Variants in SLC35D1 observed in about 807,000 individuals in gnomAD.
SLC35D1 encodes the protein solute carrier family 35 member D1.
In SLC35D1, 31 loss-of-function variants were observed where a neutral mutation model predicts 46.7. That is an observed-to-expected ratio of 0.66 (90% CI 0.50 to 0.90). The LOEUF (loss-of-function observed/expected upper bound fraction) is 0.90. Among genes scored for constraint, SLC35D1 ranks in the 40% least tolerant of loss-of-function variants. The pLI is 0.00. For missense variants in SLC35D1, 397 were observed against 426.2 expected (o/e 0.93, Z 0.60); for synonymous variants, 195 against 164.6 (o/e 1.18, Z -1.41).
the SLC35D1 span, among the ~76,000 whole-genome samples, chr1:66,983,196 A>T: frequency 1.3e-5 from 2 of 152,144 alleles, no homozygotes; most frequent in African/African-American, 4.8e-5. Context: ...CCAATGTTAT[A>T]TTACTTTTTT....
intron 8 of SLC35D1, among the ~76,000 whole-genome samples, chr1:67,039,995 ATTTTT>A (rs11300562): frequency 3.6e-5 from 5 of 140,166 alleles, no homozygotes; most frequent in African/African-American, 1.3e-4. Context: ...TTACATCACA[ATTTTT>A]TTTTTTTTTT....
chr1:67,042,423 A>AAC, intron 7 of SLC35D1, 95 bp from the exon 8 acceptor site: 2 of 981,990 alleles, frequency 2.0e-6, no homozygotes, highest in Non-Finnish European at 3.3e-6. Flanking sequence ...TAAATACACA[A>AAC]ACACACACAC....
chr1:67,009,829 C>A (rs879915401), intron 10 of SLC35D1, among the ~76,000 whole-genome samples: 3 of 152,198 alleles, frequency 2.0e-5, no homozygotes, highest in Non-Finnish European at 2.9e-5. Flanking sequence ...AATCCCACTA[C>A]TGGGTTATAT....
At chr1:67,040,756 C>T (rs938999860) in intron 8 of SLC35D1, among the ~76,000 whole-genome samples, 4 of 152,222 alleles carry the variant, frequency 2.6e-5, no homozygotes, top group Middle Eastern at 3.2e-3. Flanking sequence ...CTCCAAAGGG[C>T]CATACAAATT....
intron 8 of SLC35D1, among the ~76,000 whole-genome samples, chr1:67,036,667 T>C (rs117341505): frequency 6.6e-6 from 1 of 152,048 alleles, no homozygotes; most frequent in East Asian, 1.9e-4. Context: ...ATGTGAATCT[T>C]TACAAGTGAA....
At chr1:66,989,903 T>TA in the SLC35D1 span, among the ~76,000 whole-genome samples, 1 of 152,244 alleles carries the variant, frequency 6.6e-6, no homozygotes, top group Non-Finnish European at 1.5e-5. Context: ...AGATTTAGGT[T>TA]AAGAGCTTGT....
At chr1:66,973,736 C>G in the SLC35D1 span, among the ~76,000 whole-genome samples, 17 of 151,972 alleles carry the variant, frequency 1.1e-4, no homozygotes, top group African/African-American at 4.1e-4. Context: ...TTAGGACAGG[C>G]AGAATTAAAG....
At chr1:67,049,758 G>A (rs1645287790) in intron 6 of SLC35D1, 24 bp downstream of exon 6, 3 of 1,593,706 alleles carry the variant, frequency 1.9e-6, no homozygotes, top group Non-Finnish European at 2.6e-6. Context: ...TTTATAATGT[G>A]CTAGTCATAG....
At chr1:67,008,797 G>A (rs144280375) in intron 11 of SLC35D1, among the ~76,000 whole-genome samples, 6 of 152,002 alleles carry the variant, frequency 3.9e-5, no homozygotes, top group East Asian at 1.9e-4. Context: ...TTGTAGAGAC[G>A]GGGTTTCACA....
chr1:67,000,431 T>C lies in SLC35D1; in HGVS notation c.*3909A>G, dbSNP rs1351973971. On this transcript the variant is annotated 3_prime_UTR_variant, in exon 12 of 12. Coordinates refer to ENST00000235345, the MANE Select transcript of SLC35D1 (RefSeq NM_015139.3). Reference sequence around the variant, plus strand: ...AATCACCTGCATCATGTAATGGCCGTAATTGTGTCCAGCAGATATTTTTAA... The same window carrying C: ...AATCACCTGCATCATGTAATGGCCGCAATTGTGTCCAGCAGATATTTTTAA... The C allele has an allele frequency of 1.3e-5, 2 of 152,298 alleles. No individual in the cohort carries two copies. Among genetic ancestry groups the C allele is most frequent in the Non-Finnish European group, 2.9e-5 (2 of 68,000 alleles). 9.4% of individuals were successfully genotyped at this position (152,298 alleles called of 1,614,324 possible). A position where few individuals can be genotyped will look rare whatever the true frequency, so the allele number is the denominator to read the frequency against.
At chr1:67,021,183 A>G (rs757392535) in intron 9 of SLC35D1, among the ~76,000 whole-genome samples, 1 of 152,214 alleles carries the variant, frequency 6.6e-6, no homozygotes, top group Non-Finnish European at 1.5e-5. Flanking sequence ...CCAAATTCAA[A>G]TGCTGCCACT....
intron 8 of SLC35D1, among the ~76,000 whole-genome samples, chr1:67,026,501 T>C (rs1247908525): frequency 6.6e-6 from 1 of 152,178 alleles, no homozygotes; most frequent in Non-Finnish European, 1.5e-5. Context: ...CTATCTTCTA[T>C]TTTCTGGAAG....
the SLC35D1 span, chr1:66,985,669 CT>C: frequency 2.5e-5 from 25 of 984,758 alleles, no homozygotes; most frequent in Non-Finnish European, 3.0e-5. Context: ...AGTTGGTAAA[CT>C]TTTATGAGAG....
chr1:66,995,471 A>C (rs1338028251), downstream of SLC35D1, among the ~76,000 whole-genome samples: 5 of 105,252 alleles, frequency 4.8e-5, no homozygotes, highest in South Asian at 3.0e-4. Flanking sequence ...AAAAAAAAAA[A>C]AAAAAAAAAA....
At chr1:66,989,860 C>T in the SLC35D1 span, among the ~76,000 whole-genome samples, 11 of 152,318 alleles carry the variant, frequency 7.2e-5, no homozygotes, top group Middle Eastern at 6.8e-3. Flanking sequence ...ATAGATTGAT[C>T]TGAGCCACTT....
downstream of SLC35D1, among the ~76,000 whole-genome samples, chr1:66,997,167 G>A (rs867720052): frequency 6.6e-6 from 1 of 152,154 alleles, no homozygotes; most frequent in African/African-American, 2.4e-5. Flanking sequence ...TATAATCAAA[G>A]GAGTGAAAAG....
the SLC35D1 span, chr1:66,986,440 C>CA: frequency 6.2e-7 from 1 of 1,612,518 alleles, no homozygotes; most frequent in Non-Finnish European, 8.5e-7. Flanking sequence ...ATTTTTCAGC[C>CA]ATCAGTTCAA....
chr1:67,049,915 G>T, intron 5 of SLC35D1, 65 bp from the exon 6 acceptor site: 1 of 1,077,330 alleles, frequency 9.3e-7, no homozygotes, highest in South Asian at 1.3e-5. Context: ...TACAACAGAA[G>T]CAAAAAATGG....
intron 8 of SLC35D1, among the ~76,000 whole-genome samples, chr1:67,029,528 G>A (rs1358391163): frequency 6.6e-6 from 1 of 152,228 alleles, no homozygotes; most frequent in African/African-American, 2.4e-5. Flanking sequence ...TTGGGAGCAG[G>A]AAATGTGTCA....
Sources: allele counts gnomAD v4.1 joint callset (sites outside exome capture counted in the v4.1 genomes callset), GRCh38; gene constraint gnomAD v4.1.1; transcripts MANE v1.5; gene names NCBI Gene and HGNC (gene_info 2026-07-23, HGNC 2026-07-21).